The following SLC28A3 variants were observed in gnomAD, a reference collection of about 807,000 sequenced individuals.
SLC28A3 encodes the protein concentrative Na(+)-nucleoside cotransporter 3.
A neutral mutation model predicts 84.2 loss-of-function variants in SLC28A3; 68 were observed. The ratio of observed to expected loss-of-function variants is 0.81; its 90% CI spans 0.66 to 0.99. The LOEUF is 0.99. Among genes scored for constraint, SLC28A3 ranks in the 50% least tolerant of loss-of-function variants. The pLI, the probability that SLC28A3 is intolerant of heterozygous loss-of-function variation, is 0.00. For synonymous variants in SLC28A3, 267 were observed against 303.6 expected, an observed-to-expected ratio of 0.88 and a Z score of 1.25; for missense variants, 712 against 841.5, an observed-to-expected ratio of 0.85 and a Z score of 1.90.
intron 9 of SLC28A3, among the ~76,000 whole-genome samples, chr9:84,292,964 A>G (rs1825296605): frequency 6.6e-6 from 1 of 152,252 alleles, no homozygotes; most frequent in African/African-American, 2.4e-5. Flanking sequence ...GTCATTGCGT[A>G]TACTTTGAAC....
intron 1 of SLC28A3, among the ~76,000 whole-genome samples, chr9:84,324,021 A>G (rs1478828955): frequency 6.6e-6 from 1 of 152,146 alleles, no homozygotes; most frequent in African/African-American, 2.4e-5. Flanking sequence ...TCTCTGACCT[A>G]AAGACCTCAT....
At chr9:84,328,799 G>T in intron 1 of SLC28A3, among the ~76,000 whole-genome samples, 1 of 152,104 alleles carries the variant, frequency 6.6e-6, no homozygotes, top group East Asian at 1.9e-4. Context: ...ACAGTGACAG[G>T]TGCCTGTAGT....
the SLC28A3 span, among the ~76,000 whole-genome samples, chr9:84,358,094 A>T: frequency 6.6e-5 from 10 of 152,322 alleles, no homozygotes; most frequent in Non-Finnish European, 8.8e-5. Context: ...CCTAGATCTA[A>T]ATGCACTTCA....
intron 8 of SLC28A3, among the ~76,000 whole-genome samples, chr9:84,295,783 G>A (rs914307375): frequency 6.6e-6 from 1 of 152,054 alleles, no homozygotes; most frequent in African/African-American, 2.4e-5. Flanking sequence ...CCTCCCTACT[G>A]TTCCCCGGCT....
intron 11 of SLC28A3, chr9:84,289,839 G>T (rs7042987): frequency 0.094 from 19,723 of 209,666 alleles, 1,097 homozygotes; most frequent in African/African-American, 0.16. Context: ...TCCCAGTCCA[G>T]ATCACCTTGA....
rs1409130796 is a variant in SLC28A3 at position 84,305,408 on chromosome 9, G to C, written c.243-63C>G. On this transcript the variant is annotated intron_variant, in intron 3 of 17. Coordinates refer to ENST00000376238, the MANE Select transcript of SLC28A3 (RefSeq NM_001199633.2). ...ACCAAAAACATGAAATAAACTGCATGGTGAGGCTAGATTAAGCTTTGTAAA... is the reference window on the plus strand; with the variant it reads ...ACCAAAAACATGAAATAAACTGCATCGTGAGGCTAGATTAAGCTTTGTAAA... 5 of 1,334,426 alleles carry C rather than the reference G, an allele frequency of 3.7e-6. No individual in the cohort carries two copies. The East Asian group carries it at 1.2e-4, about 31-fold the overall frequency. The allele number at this position is 1,334,426 out of a possible 1,614,324, so 82.7% of individuals were successfully genotyped here.
chr9:84,293,703 C>T (rs1295343975), intron 9 of SLC28A3, among the ~76,000 whole-genome samples: 1 of 152,150 alleles, frequency 6.6e-6, no homozygotes, highest in African/African-American at 2.4e-5. Context: ...TGTATGCATG[C>T]ACGCTCATGC....
chr9:84,364,840 A>G, the SLC28A3 span, among the ~76,000 whole-genome samples: 1 of 152,184 alleles, frequency 6.6e-6, no homozygotes, highest in Non-Finnish European at 1.5e-5. Context: ...GCTGTTGCAA[A>G]TGACTGAATC....
intron 3 of SLC28A3, 90 bp from the exon 4 acceptor site, chr9:84,305,435 T>G (rs1825761044): frequency 1.9e-6 from 2 of 1,070,646 alleles, no homozygotes; most frequent in South Asian, 1.3e-5. Context: ...CTTTGTAAAC[T>G]AAGAAGGCAA....
chr9:84,304,858 C>T (rs978979124), intron 4 of SLC28A3, among the ~76,000 whole-genome samples: 2 of 152,084 alleles, frequency 1.3e-5, no homozygotes, highest in Non-Finnish European at 2.9e-5. Context: ...CCTGTCTCTA[C>T]TAAAAATACA....
intron 14 of SLC28A3, among the ~76,000 whole-genome samples, chr9:84,284,762 T>C (rs901657721): frequency 6.6e-6 from 1 of 152,200 alleles, no homozygotes; most frequent in South Asian, 2.1e-4. Flanking sequence ...GACATAATTA[T>C]GGGTGCTTGT....
At chr9:84,345,237 C>CAAAAAA (rs386415324), upstream of SLC28A3, among the ~76,000 whole-genome samples, 1,985 of 138,690 alleles carry the variant, frequency 0.014, 13 homozygotes, top group Middle Eastern at 0.022. Context: ...TTACCAAAGG[C>CAAAAAA]AAAAAAAAAA....
intron 14 of SLC28A3, among the ~76,000 whole-genome samples, chr9:84,283,772 T>C (rs1314741657): frequency 6.6e-6 from 1 of 152,222 alleles, no homozygotes; most frequent in Non-Finnish European, 1.5e-5. Context: ...TGGATATCAC[T>C]GGGGTTTTGC....
At chr9:84,364,270 C>T in the SLC28A3 span, among the ~76,000 whole-genome samples, 1 of 151,938 alleles carries the variant, frequency 6.6e-6, no homozygotes, top group Admixed American at 6.6e-5. Context: ...TAGGCATGCA[C>T]CCTTGATGCC....
chr9:84,284,241 A>G (rs1444878942), intron 14 of SLC28A3, among the ~76,000 whole-genome samples: 5 of 152,214 alleles, frequency 3.3e-5, no homozygotes, highest in Non-Finnish European at 7.3e-5. Context: ...CTAAACAATG[A>G]GGATAATTGG....
chr9:84,320,061 T>TTTTTTTTGTTTTTG (rs1240730185), intron 1 of SLC28A3, among the ~76,000 whole-genome samples: 1 of 137,008 alleles, frequency 7.3e-6, no homozygotes, highest in African/African-American at 2.9e-5. Flanking sequence ...TTTTTTTTTT[T>TTTTTTTTGTTTTTG]TTTTTTGAGA....
At chr9:84,281,222 G>A (rs1588556209) in intron 14 of SLC28A3, among the ~76,000 whole-genome samples, 1 of 152,098 alleles carries the variant, frequency 6.6e-6, no homozygotes, top group Non-Finnish European at 1.5e-5. Flanking sequence ...ACTAGTTGCT[G>A]GAGATAAAAA....
the SLC28A3 span, among the ~76,000 whole-genome samples, chr9:84,363,269 A>G: frequency 6.6e-6 from 1 of 152,198 alleles, no homozygotes; most frequent in South Asian, 2.1e-4. Flanking sequence ...CTTAAAAGAG[A>G]CTGAGAAGGC....
chr9:84,367,429 C>A, the SLC28A3 span, among the ~76,000 whole-genome samples: 1 of 152,302 alleles, frequency 6.6e-6, no homozygotes, highest in East Asian at 1.9e-4. Context: ...CAGAGGCTCA[C>A]CCTAGGCCCT....
Sources: allele counts gnomAD v4.1 joint callset (sites outside exome capture counted in the v4.1 genomes callset), GRCh38; gene constraint gnomAD v4.1.1; transcripts MANE v1.5; gene names NCBI Gene and HGNC (gene_info 2026-07-23, HGNC 2026-07-21).